The following TYW1 variants were observed in gnomAD, a reference collection of about 807,000 sequenced individuals.
TYW1 encodes the protein S-adenosyl-L-methionine-dependent tRNA 4-demethylwyosine synthase TYW1.
A neutral mutation model predicts 96.2 loss-of-function variants in TYW1; 46 were observed. The ratio of observed to expected loss-of-function variants is 0.48; its 90% CI spans 0.38 to 0.61. The LOEUF is 0.61. Ranked by LOEUF, TYW1 falls within the 20% of genes least tolerant of loss-of-function variation. TYW1 has a pLI of 0.00. For synonymous variants in TYW1, 274 were observed against 323.0 expected, an observed-to-expected ratio of 0.85 and a Z score of 1.63; for missense variants, 684 against 909.6, an observed-to-expected ratio of 0.75 and a Z score of 3.19.
At chr7:67,169,561 G>A (rs991396978) in intron 13 of TYW1, among the ~76,000 whole-genome samples, 2 of 152,052 alleles carry the variant, frequency 1.3e-5, no homozygotes, top group Admixed American at 1.3e-4. Flanking sequence ...CCACCACACC[G>A]AGCTAATTTT....
chr7:67,100,874 TAAAG>T (rs1330958505), intron 12 of TYW1, among the ~76,000 whole-genome samples: 123 of 141,552 alleles, frequency 8.7e-4, no homozygotes, highest in Middle Eastern at 3.7e-3. Flanking sequence ...AAAAAAGAGT[TAAAG>T]AAAGAGGAGA....
At chr7:67,155,425 C>T (rs1207021014) in intron 13 of TYW1, among the ~76,000 whole-genome samples, 1 of 152,202 alleles carries the variant, frequency 6.6e-6, no homozygotes, top group East Asian at 1.9e-4. Context: ...GCTGCCCCTT[C>T]ACCTTCCACC....
At position 67,133,420 on chromosome 7, in the gene TYW1, C is replaced by T. The variant is rs569155341; in HGVS notation, c.1698+15802C>T. Among the ~76,000 whole-genome samples the T allele has an allele frequency of 8.5e-5, 13 of 152,100 alleles. No individual in the cohort carries two copies. In the East Asian group the frequency reaches 1.4e-3, roughly 16 times the overall value. Reference sequence around the variant, plus strand: ...GGCTTTCAAAAGTGCTGGGATTGTCCGGGCACGGTGGCTTACACCTGTAAT... The same window carrying T: ...GGCTTTCAAAAGTGCTGGGATTGTCTGGGCACGGTGGCTTACACCTGTAAT... On this transcript the variant is annotated intron_variant, in intron 13 of 15. Transcript: ENST00000359626.
At chr7:67,056,024 A>G (rs1487782700) in intron 9 of TYW1, 137 bp downstream of exon 9, 1 of 701,452 alleles carries the variant, frequency 1.4e-6, no homozygotes, top group Non-Finnish European at 2.2e-6. Context: ...GATTCTTTAA[A>G]ATGAGTTCAG....
At chr7:67,044,355 C>T (rs1012746976) in intron 7 of TYW1, among the ~76,000 whole-genome samples, 1 of 152,120 alleles carries the variant, frequency 6.6e-6, no homozygotes, top group African/African-American at 2.4e-5. Context: ...GCCTCAGCCT[C>T]CCAAAGTGCT....
chr7:67,039,081 A>G (rs947932163), intron 7 of TYW1, among the ~76,000 whole-genome samples: 7 of 152,140 alleles, frequency 4.6e-5, no homozygotes, highest in Non-Finnish European at 8.8e-5. Context: ...AAGCTACTCA[A>G]CTTGTACTTC....
intron 3 of TYW1, among the ~76,000 whole-genome samples, chr7:67,003,374 C>T (rs1218382548): frequency 2.6e-5 from 4 of 151,754 alleles, no homozygotes; most frequent in Non-Finnish European, 5.9e-5. Flanking sequence ...TTTCCAATCA[C>T]TTCTTACCAC....
chr7:67,070,640 A>G (rs573027311), intron 10 of TYW1, among the ~76,000 whole-genome samples: 1 of 152,100 alleles, frequency 6.6e-6, no homozygotes, highest in African/African-American at 2.4e-5. Context: ...TTGTTTAGAC[A>G]TTGTTTTCTT....
intron 12 of TYW1, among the ~76,000 whole-genome samples, chr7:67,109,652 G>A (rs1797342797): frequency 6.6e-6 from 1 of 152,150 alleles, no homozygotes; most frequent in Non-Finnish European, 1.5e-5. Flanking sequence ...AGGCTGAGGC[G>A]GGCGGATCAT....
chr7:67,177,606 T>C lies in TYW1; in HGVS notation c.1699-5520T>C, dbSNP rs1313864606. ...GAGATACAGATAGCCAGAAAACATA[T>C]GAACTCAGCTTGCTTACATCCACAG... is the stretch of plus-strand genomic sequence containing the variant. On this transcript the variant is annotated intron_variant, in intron 13 of 15. Transcript: ENST00000359626. Among the ~76,000 whole-genome samples, 6 of 152,128 alleles carry C rather than the reference T, an allele frequency of 3.9e-5. No individual in the cohort carries two copies. The East Asian group carries it at 5.8e-4, about 15-fold the overall frequency.
At position 67,025,995 on chromosome 7, in the gene TYW1, C is replaced by G. The variant is rs187555926; in HGVS notation, c.984+973C>G. Among the ~76,000 whole-genome samples, 4 of 152,164 alleles carry G rather than the reference C, an allele frequency of 2.6e-5. No individual in the cohort carries two copies. The East Asian group carries it at 7.7e-4, about 29-fold the overall frequency. ...TAGACTTTATATTTCCAAACAATAG[C>G]CAGTTAGAAGCTATAGTAAAAGAGA... On this transcript the variant is annotated intron_variant, in intron 7 of 15. Transcript: ENST00000359626.
At chr7:67,214,979 AT>A (rs967754139) in intron 15 of TYW1, among the ~76,000 whole-genome samples, 7 of 150,204 alleles carry the variant, frequency 4.7e-5, no homozygotes, top group Admixed American at 1.3e-4. Context: ...TAGTATCTTT[AT>A]CTCATTTTGG....
At position 67,174,533 on chromosome 7, in the gene TYW1, A is replaced by T. The variant is rs567307890; in HGVS notation, c.1699-8593A>T. Among the ~76,000 whole-genome samples, 162 of 151,540 alleles carry T rather than the reference A, an allele frequency of 1.1e-3. 1 individual carries two copies. The highest frequency in any genetic ancestry group is 5.3e-4 in the Non-Finnish European group (36 of 67,920). ...AAGAAGACAAAATGCCTACTTAGTA[A>T]AGGAAATAGGTTAAAAATCAATAAG... On this transcript the variant is annotated intron_variant, in intron 13 of 15. Coordinates refer to ENST00000359626, the MANE Select transcript of TYW1 (RefSeq NM_018264.4).
chr7:67,079,678 A>G (rs1796321636), intron 10 of TYW1, among the ~76,000 whole-genome samples: 1 of 151,862 alleles, frequency 6.6e-6, no homozygotes, highest in African/African-American at 2.4e-5. Flanking sequence ...CCTGAAGTGC[A>G]TTGTTAGATT....
intron 13 of TYW1, among the ~76,000 whole-genome samples, chr7:67,149,400 C>T (rs1424190391): frequency 6.6e-6 from 1 of 152,112 alleles, no homozygotes; most frequent in East Asian, 1.9e-4. Context: ...ATGGCTTGCT[C>T]TTCTGATGTG....
chr7:67,207,547 T>A, intron 15 of TYW1, among the ~76,000 whole-genome samples: 1 of 152,136 alleles, frequency 6.6e-6, no homozygotes, highest in East Asian at 1.9e-4. Flanking sequence ...GTGAAAGTCA[T>A]CCCTATCTAC....
chr7:67,113,305 C>T (rs1563020265), intron 12 of TYW1, among the ~76,000 whole-genome samples: 1 of 152,222 alleles, frequency 6.6e-6, no homozygotes, highest in East Asian at 1.9e-4. Context: ...CCTCAGTGTG[C>T]AGTTCATAGT....
At chr7:67,227,300 A>G (rs1168168107) in intron 15 of TYW1, among the ~76,000 whole-genome samples, 1 of 152,154 alleles carries the variant, frequency 6.6e-6, no homozygotes, top group Non-Finnish European at 1.5e-5. Flanking sequence ...TCTGTCGCCC[A>G]TGCTGGAATG....
chr7:67,053,084 T>TTAAGC (rs1795411014), intron 8 of TYW1, among the ~76,000 whole-genome samples: 2 of 29,422 alleles, frequency 6.8e-5, no homozygotes, highest in Non-Finnish European at 1.7e-4. Context: ...TTTTAAGCTT[T>TTAAGC]TTTTTTTTTT....
Sources: allele counts gnomAD v4.1 joint callset (sites outside exome capture counted in the v4.1 genomes callset), GRCh38; gene constraint gnomAD v4.1.1; transcripts MANE v1.5; gene names NCBI Gene and HGNC (gene_info 2026-07-23, HGNC 2026-07-21).